Variants in CD96 observed in about 807,000 individuals in gnomAD.
CD96 encodes T-cell surface protein tactile.
In CD96, 70 loss-of-function variants were observed where a neutral mutation model predicts 71.3. That is an observed-to-expected ratio of 0.98 (90% CI 0.81 to 1.20). CD96 has a LOEUF of 1.20. Ranked by LOEUF, CD96 falls within the 50% of genes most tolerant of loss-of-function variation. The pLI, the probability that CD96 is intolerant of heterozygous loss-of-function variation, is 0.00. For synonymous variants in CD96, 248 were observed against 233.0 expected (o/e 1.06, Z -0.59); for missense variants, 742 against 677.5 (o/e 1.10, Z -1.06).
chr3:111,634,625 G>A (rs4682052), intron 10 of CD96: 68,050 of 152,092 alleles, frequency 0.45, 18,420 homozygotes, highest in Non-Finnish European at 0.6. Context: ...GACAGGGCAC[G>A]GTGGCTCACG....
At chr3:111,641,006 T>G (rs1366350166) in intron 12 of CD96, among the ~76,000 whole-genome samples, 1 of 152,182 alleles carries the variant, frequency 6.6e-6, no homozygotes, top group Non-Finnish European at 1.5e-5. Flanking sequence ...AAACAAATCC[T>G]GGAAACACAT....
chr3:111,613,693 G>A (rs889983998), intron 8 of CD96, among the ~76,000 whole-genome samples: 1 of 152,210 alleles, frequency 6.6e-6, no homozygotes, highest in African/African-American at 2.4e-5. Flanking sequence ...AAACTAGATG[G>A]CTAAGTCTAA....
intron 14 of CD96, among the ~76,000 whole-genome samples, chr3:111,657,640 T>C (rs925478097): frequency 6.6e-6 from 1 of 152,142 alleles, no homozygotes; most frequent in South Asian, 2.1e-4. Flanking sequence ...TGTGTTGTCA[T>C]TGGGTGCCCA....
At chr3:111,601,025 T>A in intron 7 of CD96, 111 bp downstream of exon 7, 4 of 693,942 alleles carry the variant, frequency 5.8e-6, no homozygotes, top group Non-Finnish European at 9.9e-6. Context: ...CTCAGAAAAC[T>A]TTTTATGTAA....
chr3:111,576,860 C>T (rs1337817710), intron 3 of CD96, among the ~76,000 whole-genome samples: 1 of 152,156 alleles, frequency 6.6e-6, no homozygotes, highest in Admixed American at 6.5e-5. Flanking sequence ...AATTTTTTCA[C>T]CTCTCCTCCC....
intron 1 of CD96, among the ~76,000 whole-genome samples, chr3:111,542,625 C>T (rs957354502): frequency 6.6e-6 from 1 of 152,222 alleles, no homozygotes; most frequent in African/African-American, 2.4e-5. Context: ...ATGAAATGCT[C>T]TCCAAATGGT....
intron 14 of CD96, among the ~76,000 whole-genome samples, chr3:111,664,791 G>T (rs985271996): frequency 6.6e-6 from 1 of 152,138 alleles, no homozygotes; most frequent in African/African-American, 2.4e-5. Flanking sequence ...ACAATTGATT[G>T]CAATACCTAA....
Position 111,545,100 on chromosome 3 carries a change from C to G in CD96, c.116C>G (p.Ser39Cys), listed in dbSNP as rs748781352. 6.2e-7 allele frequency: 1 copy of G among 1,614,182 alleles called. No homozygotes were observed. Among genetic ancestry groups the G allele is most frequent in the South Asian group, 1.1e-5 (1 of 91,082 alleles). Residue 39 changes from serine (S) to cysteine (C), a missense_variant, in exon 2 of 14, where the codon TCT becomes TGT. Coordinates refer to ENST00000352690, the MANE Select transcript of CD96 (RefSeq NM_005816.5). The stretch of plus-strand genomic sequence containing the variant: ...GAAAATGTTTATGCTACACTTGGCT[C>G]TGATGTCAACCTGACCTGCCAAACA... ...TEENVYATLG[S>C]DVNLTCQTQT...
chr3:111,606,568 CT>C, intron 7 of CD96, 131 bp from the exon 8 acceptor site: 2 of 677,532 alleles, frequency 3.0e-6, no homozygotes, highest in Non-Finnish European at 5.4e-6. Flanking sequence ...CTGCCTTGAC[CT>C]TAATAGGGCC....
At chr3:111,544,695 C>T (rs13087173) in intron 1 of CD96, among the ~76,000 whole-genome samples, 59,051 of 151,868 alleles carry the variant, frequency 0.39, 13,547 homozygotes, top group Middle Eastern at 0.52. Flanking sequence ...TTATATTAAA[C>T]GTAAGAAGAA....
intron 2 of CD96, among the ~76,000 whole-genome samples, chr3:111,551,758 C>G (rs568772026): frequency 1.3e-5 from 2 of 152,060 alleles, no homozygotes; most frequent in African/African-American, 4.8e-5. Flanking sequence ...ATTGTTCCCC[C>G]TCATGGGTCA....
chr3:111,626,230 G>A (rs1025143146), intron 10 of CD96, among the ~76,000 whole-genome samples: 1 of 150,846 alleles, frequency 6.6e-6, no homozygotes, highest in African/African-American at 2.4e-5. Flanking sequence ...GAACCCGGGA[G>A]GCGGAGCTCG....
intron 14 of CD96, among the ~76,000 whole-genome samples, chr3:111,661,346 G>A (rs1034495333): frequency 2.6e-5 from 4 of 152,028 alleles, no homozygotes; most frequent in African/African-American, 9.7e-5. Flanking sequence ...CATTCCACTC[G>A]GGTCCTTCCC....
chr3:111,586,023 T>C (rs1052756605), intron 5 of CD96, among the ~76,000 whole-genome samples: 1 of 152,242 alleles, frequency 6.6e-6, no homozygotes, highest in Non-Finnish European at 1.5e-5. Context: ...TTGCAGTCAG[T>C]TTCCCCATCT....
chr3:111,664,722 T>G (rs1940440595), intron 14 of CD96, among the ~76,000 whole-genome samples: 1 of 152,098 alleles, frequency 6.6e-6, no homozygotes, highest in Non-Finnish European at 1.5e-5. Context: ...TTTTCAAAAA[T>G]GTCAATATAA....
At chr3:111,626,385 A>G (rs1938763366) in intron 10 of CD96, among the ~76,000 whole-genome samples, 1 of 152,072 alleles carries the variant, frequency 6.6e-6, no homozygotes, top group Non-Finnish European at 1.5e-5. Flanking sequence ...GAATTAGAAA[A>G]TCATTTTATA....
downstream of CD96, among the ~76,000 whole-genome samples, chr3:111,652,743 C>T (rs1320000141): frequency 6.6e-6 from 1 of 152,064 alleles, no homozygotes; most frequent in African/African-American, 2.4e-5. Context: ...ATTAGAGGGG[C>T]TCCAGTTGCC....
At chr3:111,542,338 G>C (rs372207920) in intron 1 of CD96, 29 bp downstream of exon 1, 57 of 1,572,496 alleles carry the variant, frequency 3.6e-5, no homozygotes, top group Non-Finnish European at 4.6e-5. Context: ...CCTTCTTGTC[G>C]GATGGGCCGC....
At chr3:111,548,763 A>G (rs1242545964) in intron 2 of CD96, among the ~76,000 whole-genome samples, 2 of 152,178 alleles carry the variant, frequency 1.3e-5, no homozygotes, top group Non-Finnish European at 2.9e-5. Context: ...TAGTAGCAAT[A>G]AAATTTTGAT....
Sources: allele counts gnomAD v4.1 joint callset (sites outside exome capture counted in the v4.1 genomes callset), GRCh38; gene constraint gnomAD v4.1.1; transcripts MANE v1.5; gene names NCBI Gene and HGNC (gene_info 2026-07-23, HGNC 2026-07-21).